SSH2: variants seen among roughly 807,000 people sequenced by gnomAD.
The protein encoded by SSH2 is slingshot protein phosphatase 2, also known as protein phosphatase Slingshot homolog 2.
In SSH2, 37 loss-of-function variants were observed where a neutral mutation model predicts 135.2. The ratio of observed to expected loss-of-function variants is 0.27; its 90% CI spans 0.21 to 0.36. The LOEUF (loss-of-function observed/expected upper bound fraction) is 0.36. Ranked by LOEUF, SSH2 falls within the 10% of genes least tolerant of loss-of-function variation. SSH2 has a pLI of 1.00. For missense variants in SSH2, 1,408 were observed against 1,765.3 expected (o/e 0.80, Z 3.63); for synonymous variants, 628 against 646.2 (o/e 0.97, Z 0.43).
At chr17:29,752,222 TAAAATA>T (rs2040967618) in intron 3 of SSH2, among the ~76,000 whole-genome samples, 1 of 151,916 alleles carries the variant, frequency 6.6e-6, no homozygotes, top group Non-Finnish European at 1.5e-5. Flanking sequence ...ATCTGGAAAA[TAAAATA>T]AAAATAGTTA....
intron 3 of SSH2, among the ~76,000 whole-genome samples, chr17:29,742,152 G>C (rs2040580875): frequency 6.6e-6 from 1 of 151,462 alleles, no homozygotes; most frequent in Non-Finnish European, 1.5e-5. Flanking sequence ...CAACAAGATG[G>C]TCTCGATTTC....
chr17:29,788,579 TTCTC>T (rs778128790), intron 3 of SSH2, among the ~76,000 whole-genome samples: 8 of 151,970 alleles, frequency 5.3e-5, no homozygotes, highest in East Asian at 3.9e-4. Context: ...CTTTCTTTCT[TTCTC>T]TCTCTTTTTT....
At chr17:29,798,126 G>T (rs1334518951) in intron 2 of SSH2, among the ~76,000 whole-genome samples, 1 of 151,964 alleles carries the variant, frequency 6.6e-6, no homozygotes, top group Non-Finnish European at 1.5e-5. Flanking sequence ...TTGTTTTCAG[G>T]TTCTTAAAAA....
intron 3 of SSH2, among the ~76,000 whole-genome samples, chr17:29,779,002 T>G (rs1021435984): frequency 3.3e-5 from 5 of 152,162 alleles, no homozygotes; most frequent in African/African-American, 1.2e-4. Flanking sequence ...AAGGGACATT[T>G]ACTTTACTTT....
At chr17:29,834,489 G>C (rs945157439) in intron 2 of SSH2, among the ~76,000 whole-genome samples, 1 of 151,968 alleles carries the variant, frequency 6.6e-6, no homozygotes, top group African/African-American at 2.4e-5. Flanking sequence ...AACACATTAT[G>C]TATTATAGAA....
At chr17:29,770,103 T>G (rs1000178594) in intron 3 of SSH2, among the ~76,000 whole-genome samples, 2 of 148,160 alleles carry the variant, frequency 1.3e-5, no homozygotes, top group Admixed American at 6.7e-5. Context: ...TTTTTTTTTT[T>G]TTTTTTTTTT....
At chr17:29,917,097 G>A (rs1378088592) in intron 1 of SSH2, among the ~76,000 whole-genome samples, 1 of 150,592 alleles carries the variant, frequency 6.6e-6, no homozygotes, top group African/African-American at 2.4e-5. Flanking sequence ...GGAGAGCAAA[G>A]AATAGGTGAG....
intron 12 of SSH2, among the ~76,000 whole-genome samples, chr17:29,653,968 G>A (rs1006577149): frequency 6.6e-6 from 1 of 152,206 alleles, no homozygotes. Flanking sequence ...ATCTTAAGGA[G>A]ACTCTTGTAT....
intron 2 of SSH2, among the ~76,000 whole-genome samples, chr17:29,798,219 G>T (rs1227238980): frequency 6.6e-6 from 1 of 151,884 alleles, no homozygotes; most frequent in Non-Finnish European, 1.5e-5. Flanking sequence ...CTGTTGCCCA[G>T]GCTGGAGTGC....
At chr17:29,685,031 G>A (rs1055374794) in intron 5 of SSH2, among the ~76,000 whole-genome samples, 1 of 152,180 alleles carries the variant, frequency 6.6e-6, no homozygotes, top group African/African-American at 2.4e-5. Context: ...AGACTGAAGA[G>A]GGAAATGTGA....
intron 3 of SSH2, among the ~76,000 whole-genome samples, chr17:29,732,922 A>G (rs2040246250): frequency 6.6e-6 from 1 of 152,226 alleles, no homozygotes; most frequent in Non-Finnish European, 1.5e-5. Context: ...AATATCTTTC[A>G]GGTAACTCAC....
intron 3 of SSH2, among the ~76,000 whole-genome samples, chr17:29,783,456 T>C (rs2041887822): frequency 6.6e-6 from 1 of 151,778 alleles, no homozygotes; most frequent in African/African-American, 2.4e-5. Context: ...AGTGAAGAAC[T>C]TGCAGTCCAA....
intron 1 of SSH2, among the ~76,000 whole-genome samples, chr17:29,866,424 T>C (rs2065857180): frequency 1.3e-5 from 2 of 152,238 alleles, no homozygotes; most frequent in Non-Finnish European, 2.9e-5. Flanking sequence ...TCAACACCTA[T>C]ATAGTGCAAA....
At chr17:29,843,411 C>G (rs940811880) in intron 2 of SSH2, among the ~76,000 whole-genome samples, 45 of 151,940 alleles carry the variant, frequency 3.0e-4, no homozygotes, top group Non-Finnish European at 1.0e-4. Context: ...AAAAAATTAG[C>G]CAGGCATGGG....
chr17:29,873,988 T>C (rs2065983643), intron 1 of SSH2, among the ~76,000 whole-genome samples: 2 of 152,120 alleles, frequency 1.3e-5, no homozygotes, highest in South Asian at 2.1e-4. Flanking sequence ...TAAAGAAAGA[T>C]ATTTTATTAA....
intron 3 of SSH2, among the ~76,000 whole-genome samples, chr17:29,778,303 C>T (rs2041754663): frequency 6.6e-6 from 1 of 152,170 alleles, no homozygotes; most frequent in African/African-American, 2.4e-5. Context: ...GTATCATGCT[C>T]TCTTTTCTCC....
chr17:29,694,163 G>A (rs1162942139), intron 5 of SSH2, among the ~76,000 whole-genome samples: 1 of 152,108 alleles, frequency 6.6e-6, no homozygotes, highest in East Asian at 1.9e-4. Flanking sequence ...TCTTTTTCCA[G>A]TGTGGTCCAG....
intron 8 of SSH2, 116 bp from the exon 9 acceptor site, chr17:29,672,245 A>G (rs748530373): frequency 2.1e-5 from 15 of 698,092 alleles, no homozygotes; most frequent in Non-Finnish European, 3.5e-5. Flanking sequence ...CCTCTGGACA[A>G]TCTACTCCTT....
intron 3 of SSH2, among the ~76,000 whole-genome samples, chr17:29,780,881 C>T (rs569535180): frequency 6.6e-6 from 1 of 151,724 alleles, no homozygotes; most frequent in East Asian, 2.0e-4. Context: ...GGCACGATCT[C>T]GGCTCACTGC....
Sources: allele counts gnomAD v4.1 joint callset (sites outside exome capture counted in the v4.1 genomes callset), GRCh38; gene constraint gnomAD v4.1.1; transcripts MANE v1.5; gene names NCBI Gene and HGNC (gene_info 2026-07-23, HGNC 2026-07-21).